Variants in FAF2 observed in about 807,000 individuals in gnomAD.
FAF2 encodes FAS-associated factor 2.
A neutral mutation model predicts 62.3 loss-of-function variants in FAF2; 9 were observed. That is an observed-to-expected ratio of 0.14 (90% CI 0.09 to 0.25). The LOEUF (loss-of-function observed/expected upper bound fraction) is 0.25. FAF2 is among the 10% of genes least tolerant of loss of function. FAF2 has a pLI of 1.00. For missense variants in FAF2, 368 were observed against 556.2 expected, an observed-to-expected ratio of 0.66 and a Z score of 3.40; for synonymous variants, 202 against 198.0, an observed-to-expected ratio of 1.02 and a Z score of -0.17.
intron 1 of FAF2, 142 bp downstream of exon 1, chr5:176,448,612 C>A: frequency 1.2e-6 from 1 of 809,082 alleles, no homozygotes; most frequent in Non-Finnish European, 1.9e-6. Flanking sequence ...CTCCAACTGC[C>A]CTGATTCCCC....
chr5:176,491,171 A>C (rs1187083393), intron 4 of FAF2, among the ~76,000 whole-genome samples: 1 of 152,198 alleles, frequency 6.6e-6, no homozygotes, highest in Non-Finnish European at 1.5e-5. Flanking sequence ...TTTTCTAGGG[A>C]AAATATGCAC....
At chr5:176,473,443 G>A (rs560161760) in intron 1 of FAF2, among the ~76,000 whole-genome samples, 5 of 152,220 alleles carry the variant, frequency 3.3e-5, no homozygotes, top group South Asian at 2.1e-4. Context: ...TATCACTGTC[G>A]ATGTTTTGGC....
intron 10 of FAF2, among the ~76,000 whole-genome samples, chr5:176,505,603 TC>T (rs1755663412): frequency 6.6e-6 from 1 of 152,162 alleles, no homozygotes; most frequent in African/African-American, 2.4e-5. Flanking sequence ...TAGTCTTTTA[TC>T]CCTCACCCCT....
At position 176,507,023 on chromosome 5, in the gene FAF2, C is replaced by T. The variant is rs1181027650; in HGVS notation, c.*73C>T. The T allele has an allele frequency of 2.1e-5, 22 of 1,038,482 alleles. No homozygotes were observed. The highest frequency in any genetic ancestry group is 2.8e-5 in the Non-Finnish European group (22 of 776,738). The allele number at this position is 1,038,482 out of a possible 1,614,324, so 64.3% of individuals were successfully genotyped here. On this transcript the variant is annotated 3_prime_UTR_variant, in exon 11 of 11. Coordinates refer to ENST00000261942, the MANE Select transcript of FAF2 (RefSeq NM_014613.3). The stretch of plus-strand genomic sequence containing the variant: ...GGGAAAAAAGAAAACAACAGCAAGT[C>T]AGAAAAAAAAAACAAGAGAGAGAAA...
intron 2 of FAF2, 146 bp downstream of exon 2, chr5:176,479,402 A>G: frequency 1.5e-6 from 1 of 667,286 alleles, no homozygotes; most frequent in Non-Finnish European, 2.6e-6. Flanking sequence ...AAGGTAAAGA[A>G]TGTGAGAAAG....
chr5:176,451,875 C>CACAT (rs1561813620), intron 1 of FAF2, among the ~76,000 whole-genome samples: 15 of 24,100 alleles, frequency 6.2e-4, no homozygotes, highest in African/African-American at 1.9e-3. Context: ...TATATACACA[C>CACAT]ATATATATAT....
chr5:176,499,872 A>G (rs1755565507), intron 9 of FAF2, 131 bp from the exon 10 acceptor site: 2 of 1,020,364 alleles, frequency 2.0e-6, no homozygotes. Flanking sequence ...GTTGTTTTTG[A>G]CTATTCCTGA....
chr5:176,467,970 G>A (rs1474308018), intron 1 of FAF2, among the ~76,000 whole-genome samples: 1 of 152,014 alleles, frequency 6.6e-6, no homozygotes, highest in African/African-American at 2.4e-5. Flanking sequence ...TTCAAGACTA[G>A]CCTGGCCAAC....
chr5:176,476,706 C>T (rs1758698719), intron 1 of FAF2, among the ~76,000 whole-genome samples: 1 of 142,992 alleles, frequency 7.0e-6, no homozygotes, highest in Non-Finnish European at 1.5e-5. Flanking sequence ...GATCTCGGCT[C>T]ACCACAACCT....
Position 176,496,680 on chromosome 5 carries a change from T to C in FAF2, c.839+17T>C. Reference sequence around the variant, plus strand: ...CCTAGAAAGGTACAAGGGAGTTCCCTTCTGGAACAGAGAGAGACCAGTTGT... The same window carrying C: ...CCTAGAAAGGTACAAGGGAGTTCCCCTCTGGAACAGAGAGAGACCAGTTGT... On this transcript the variant is annotated intron_variant, in intron 8 of 10. Transcript: ENST00000261942. The C allele has an allele frequency of 6.7e-7, 1 of 1,501,990 alleles. No homozygotes were observed. Among genetic ancestry groups the C allele is most frequent in the Non-Finnish European group, 8.9e-7 (1 of 1,122,970 alleles). The allele number at this position is 1,501,990 out of a possible 1,614,324, so 93.0% of individuals were successfully genotyped here. A position where few individuals can be genotyped will look rare whatever the true frequency, so the allele number is the denominator to read the frequency against.
intron 4 of FAF2, among the ~76,000 whole-genome samples, chr5:176,491,106 A>C (rs1758964785): frequency 6.6e-6 from 1 of 152,220 alleles, no homozygotes; most frequent in South Asian, 2.1e-4. Flanking sequence ...AAAGTATCAC[A>C]GTTTAATCAC....
chr5:176,462,916 G>A (rs115624274), intron 1 of FAF2, among the ~76,000 whole-genome samples: 1,749 of 152,196 alleles, frequency 0.011, 46 homozygotes, highest in African/African-American at 0.04. Flanking sequence ...AGTTTGCTTC[G>A]CTATAGTGTT....
chr5:176,457,268 A>T (rs921088220), intron 1 of FAF2, among the ~76,000 whole-genome samples: 3 of 152,132 alleles, frequency 2.0e-5, no homozygotes, highest in Non-Finnish European at 2.9e-5. Context: ...GGCTCACTAC[A>T]ACCTTTGTCT....
At chr5:176,499,239 T>A (rs748991705) in intron 9 of FAF2, among the ~76,000 whole-genome samples, 154 bp downstream of exon 9, 1 of 152,036 alleles carries the variant, frequency 6.6e-6, no homozygotes, top group Non-Finnish European at 1.5e-5. Flanking sequence ...TACAACATGT[T>A]GGAATTAGGG....
intron 1 of FAF2, among the ~76,000 whole-genome samples, chr5:176,462,893 G>T (rs2113720838): frequency 6.6e-6 from 1 of 152,248 alleles, no homozygotes; most frequent in East Asian, 1.9e-4. Flanking sequence ...GATTATTTTT[G>T]GAGGACCAAT....
chr5:176,476,627 CTTT>C (rs58104178), intron 1 of FAF2, among the ~76,000 whole-genome samples: 6,592 of 94,100 alleles, frequency 0.07, 117 homozygotes, highest in East Asian at 0.19. Context: ...ATTAGAGTCC[CTTT>C]TTTTTTTTTT....
chr5:176,485,254 A>G (rs1450477044), intron 2 of FAF2, among the ~76,000 whole-genome samples: 1 of 152,210 alleles, frequency 6.6e-6, no homozygotes, highest in African/African-American at 2.4e-5. Context: ...CTTCCAGAGA[A>G]TTTATTAGGG....
intron 5 of FAF2, among the ~76,000 whole-genome samples, chr5:176,493,127 A>C (rs922471231): frequency 6.6e-6 from 1 of 152,232 alleles, no homozygotes; most frequent in Non-Finnish European, 1.5e-5. Flanking sequence ...GGCAATAGGC[A>C]AAAGGGGGTT....
chr5:176,463,877 TCAC>T (rs1384690732), intron 1 of FAF2, among the ~76,000 whole-genome samples: 1 of 151,776 alleles, frequency 6.6e-6, no homozygotes, highest in East Asian at 1.9e-4. Flanking sequence ...TTACAGGTGC[TCAC>T]CACCACACCT....
Sources: gnomAD v4.1 joint callset for allele counts (sites outside exome capture counted in the v4.1 genomes callset) on GRCh38, gnomAD v4.1.1 for gene constraint, MANE v1.5 for transcripts, NCBI Gene and HGNC (gene_info 2026-07-23, HGNC 2026-07-21) for gene names.